The following MRPS27 variants were observed in gnomAD, a reference collection of about 807,000 sequenced individuals.
MRPS27 encodes small ribosomal subunit protein mS27.
MRPS27 carries 43 observed loss-of-function variants against 48.9 expected under a neutral mutation model. That is an observed-to-expected ratio of 0.88 (90% CI 0.69 to 1.13). The LOEUF (loss-of-function observed/expected upper bound fraction) is 1.13. Among genes scored for constraint, MRPS27 ranks in the 50% most tolerant of loss-of-function variants. The pLI, the probability that MRPS27 is intolerant of heterozygous loss-of-function variation, is 0.00. For missense variants in MRPS27, 467 were observed against 476.3 expected, an observed-to-expected ratio of 0.98 and a Z score of 0.18; for synonymous variants, 188 against 171.9, an observed-to-expected ratio of 1.09 and a Z score of -0.73.
chr5:72,269,616 T>C (rs932113625), intron 4 of MRPS27, among the ~76,000 whole-genome samples: 12 of 152,026 alleles, frequency 7.9e-5, no homozygotes, highest in African/African-American at 2.9e-4. Context: ...ATTAGTAAAA[T>C]AAAGATAGCA....
At chr5:72,312,679 G>A (rs190954675) in intron 2 of MRPS27, among the ~76,000 whole-genome samples, 26 of 149,236 alleles carry the variant, frequency 1.7e-4, no homozygotes, top group Admixed American at 6.7e-5. Context: ...AGAGTGTAGT[G>A]GCAAGATCTC....
rs537516716 is a variant in MRPS27 at position 72,299,725 on chromosome 5, A to C, written c.152-2023T>G. On this transcript the variant is annotated intron_variant, in intron 2 of 10. Coordinates refer to ENST00000261413, the MANE Select transcript of MRPS27 (RefSeq NM_015084.3). ...GATCACACTTTTATCTCAGAGTCTG[A>C]AAATATCTGAAATCCTAGGCAGCAT... 2.6e-5 allele frequency among the ~76,000 whole-genome samples: 4 copies of C among 152,348 alleles called. No homozygotes were observed. In the South Asian group the frequency reaches 8.3e-4, roughly 32 times the overall value.
chr5:72,311,232 C>T (rs1349871459), intron 2 of MRPS27, among the ~76,000 whole-genome samples: 1 of 152,066 alleles, frequency 6.6e-6, no homozygotes, highest in Non-Finnish European at 1.5e-5. Context: ...AATAGAATGT[C>T]CTTATCTCAG....
chr5:72,320,191 G>A lies in MRPS27; in HGVS notation c.31C>T (p.Leu11Phe). The A allele has an allele frequency of 6.2e-7, 1 of 1,613,994 alleles. No individual in the cohort carries two copies. Among genetic ancestry groups the A allele is most frequent in the Non-Finnish European group, 8.5e-7 (1 of 1,179,902 alleles). Residue 11 changes from leucine to phenylalanine, a missense_variant, in exon 1 of 11, where the codon CTC becomes TTC. Coordinates refer to ENST00000261413, the MANE Select transcript of MRPS27 (RefSeq NM_015084.3). MAASIVRRGMLLARQVVLPQL... is the reference protein window; with the variant it reads MAASIVRRGMFLARQVVLPQL... ...GGAAGAACCACTTGCCGCGCCAGGA[G>A]CATCCCGCGCCGCACTATGGAGGCA...
chr5:72,234,059 TAC>T (rs2111953773), intron 6 of MRPS27, 58 bp downstream of exon 6: 1 of 1,409,362 alleles, frequency 7.1e-7, no homozygotes, highest in South Asian at 1.6e-5. Flanking sequence ...CCTACATTTG[TAC>T]ACCTCCCTTT....
chr5:72,261,231 T>C (rs1748963735), intron 4 of MRPS27, among the ~76,000 whole-genome samples: 1 of 152,172 alleles, frequency 6.6e-6, no homozygotes, highest in Non-Finnish European at 1.5e-5. Flanking sequence ...ATTATAATGC[T>C]GATCAGGAAA....
intron 7 of MRPS27, among the ~76,000 whole-genome samples, chr5:72,230,899 A>C (rs1580055044): frequency 6.6e-6 from 1 of 152,002 alleles, no homozygotes; most frequent in African/African-American, 2.4e-5. Flanking sequence ...TACCTTCCAA[A>C]TATGCCCATT....
At chr5:72,228,421 C>T (rs746357694) in intron 7 of MRPS27, 53 bp from the exon 8 acceptor site, 57 of 1,245,040 alleles carry the variant, frequency 4.6e-5, no homozygotes, top group African/African-American at 7.5e-5. Flanking sequence ...GTACTTTATA[C>T]AAAAATGTGA....
intron 2 of MRPS27, among the ~76,000 whole-genome samples, chr5:72,300,907 A>G (rs1750109695): frequency 2.0e-5 from 3 of 152,216 alleles, no homozygotes; most frequent in Admixed American, 2.0e-4. Context: ...TAAAATCCAT[A>G]TAATTACTAA....
chr5:72,229,553 T>C (rs1008865770), intron 7 of MRPS27: 3 of 150,806 alleles, frequency 2.0e-5, no homozygotes, highest in African/African-American at 7.3e-5. Context: ...CGACAAATAA[T>C]AAATAAGGAG....
At chr5:72,264,807 C>T (rs1258586816) in intron 4 of MRPS27, among the ~76,000 whole-genome samples, 3 of 152,206 alleles carry the variant, frequency 2.0e-5, no homozygotes, top group Non-Finnish European at 4.4e-5. Flanking sequence ...TGATTCCAGA[C>T]TTCTAGCCAG....
intron 4 of MRPS27, among the ~76,000 whole-genome samples, chr5:72,281,778 T>A (rs570880385): frequency 6.6e-6 from 1 of 152,232 alleles, no homozygotes; most frequent in African/African-American, 2.4e-5. Context: ...TCTATACGTA[T>A]GAGATGCACA....
At chr5:72,248,333 A>G (rs1335369148) in intron 4 of MRPS27, among the ~76,000 whole-genome samples, 1 of 152,208 alleles carries the variant, frequency 6.6e-6, no homozygotes, top group East Asian at 1.9e-4. Context: ...ACAATTCTGA[A>G]TATGAAAGAG....
intron 4 of MRPS27, among the ~76,000 whole-genome samples, chr5:72,290,644 C>T (rs1749793283): frequency 6.6e-6 from 1 of 152,112 alleles, no homozygotes; most frequent in African/African-American, 2.4e-5. Context: ...TAGGAATGCT[C>T]TAAGTTTATA....
chr5:72,220,640 C>T lies in MRPS27; in HGVS notation c.*269G>A. On this transcript the variant is annotated 3_prime_UTR_variant, in exon 11 of 11. Transcript: ENST00000261413. ...TTAATGCTCATAACTAATCCCTGTG[C>T]CCCAGGAACTCCATTATGAGCCTCA... is the stretch of plus-strand genomic sequence containing the variant. 4.3e-6 allele frequency: 2 copies of T among 462,026 alleles called. No individual in the cohort carries two copies. Among genetic ancestry groups the T allele is most frequent in the Non-Finnish European group, 3.8e-6 (1 of 259,858 alleles). 28.6% of individuals were successfully genotyped at this position (462,026 alleles called of 1,614,324 possible).
In MRPS27 at chr5:72,221,166, G is replaced by A. The variant is rs1446281915; in HGVS notation, c.1006-18C>T. ...TGTAAGGCCTGTTGGAAACAAATGG[G>A]AAAAATGAGAAGAAAGGTAGAGAAG... On this transcript the variant is annotated intron_variant, in intron 10 of 10. Coordinates refer to ENST00000261413, the MANE Select transcript of MRPS27 (RefSeq NM_015084.3). 8.1e-6 allele frequency: 13 copies of A among 1,609,578 alleles called. No homozygotes were observed. The highest frequency in any genetic ancestry group is 1.1e-5 in the Non-Finnish European group (13 of 1,178,516).
At chr5:72,282,547 T>G (rs1276794839) in intron 4 of MRPS27, among the ~76,000 whole-genome samples, 1 of 152,128 alleles carries the variant, frequency 6.6e-6, no homozygotes, top group Non-Finnish European at 1.5e-5. Context: ...GTTTATACTG[T>G]AGAAAAAAAA....
chr5:72,264,538 T>C (rs754786978), intron 4 of MRPS27, among the ~76,000 whole-genome samples: 5 of 152,206 alleles, frequency 3.3e-5, no homozygotes, highest in Non-Finnish European at 5.9e-5. Context: ...GCAGATGTAA[T>C]CAAGTTAAGA....
chr5:72,291,956 G>C (rs1749831099), intron 4 of MRPS27, among the ~76,000 whole-genome samples: 1 of 152,220 alleles, frequency 6.6e-6, no homozygotes, highest in African/African-American at 2.4e-5. Context: ...CTGTGCAAGA[G>C]CACACCTATG....
Sources: gnomAD v4.1 joint callset for allele counts (sites outside exome capture counted in the v4.1 genomes callset) on GRCh38, gnomAD v4.1.1 for gene constraint, MANE v1.5 for transcripts, NCBI Gene and HGNC (gene_info 2026-07-23, HGNC 2026-07-21) for gene names.